The following TET2 variants were observed in gnomAD, a reference collection of about 807,000 sequenced individuals.
TET2 encodes the protein tet methylcytosine dioxygenase 2.
In TET2, 299 loss-of-function variants were observed where a neutral mutation model predicts 142.9. The ratio of observed to expected loss-of-function variants is 2.09; its 90% CI spans 1.90 to 2.30. The LOEUF (loss-of-function observed/expected upper bound fraction) is 2.30. TET2 is among the 30% of genes most tolerant of loss of function. TET2 has a pLI of 0.00. For missense variants in TET2, 2,418 were observed against 2,378.0 expected (o/e 1.02, Z -0.35); for synonymous variants, 819 against 849.0 (o/e 0.96, Z 0.61).
intron 8 of TET2, 50 bp from the exon 9 acceptor site, chr4:105,269,560 T>G: frequency 6.5e-7 from 1 of 1,542,144 alleles, no homozygotes; most frequent in Admixed American, 2.0e-5. Flanking sequence ...GTTTTCGGTG[T>G]AAGAGTAAAA....
intron 8 of TET2, among the ~76,000 whole-genome samples, chr4:105,269,280 T>C (rs1730833023): frequency 6.6e-6 from 1 of 152,152 alleles, no homozygotes; most frequent in Non-Finnish European, 1.5e-5. Context: ...AGTGATAGAT[T>C]AGTAGTTGTC....
Position 105,279,063 on chromosome 4 carries a change from C to A in TET2, c.*2544C>A, listed in dbSNP as rs985477738. 1 of 232,656 alleles carries A rather than the reference C, an allele frequency of 4.3e-6. No individual in the cohort carries two copies. 14.4% of individuals were successfully genotyped at this position (232,656 alleles called of 1,614,324 possible). The stretch of plus-strand genomic sequence containing the variant: ...TGGCTTTTGTCTTTTTAAAAAATTT[C>A]TTGAATTTGTGGTTGTGTCCAATTT... On this transcript the variant is annotated 3_prime_UTR_variant, in exon 11 of 11. Transcript: ENST00000380013.
chr4:105,277,380 CATGTAT>C lies in TET2; in HGVS notation c.*869_*874del, dbSNP rs139341003. ...ACACAAACATGTATATGTGCACACA[CATGTAT>C]ATGTATAAATATTTTAAATGGTGTT... On this transcript the variant is annotated 3_prime_UTR_variant, in exon 11 of 11. Coordinates refer to ENST00000380013, the MANE Select transcript of TET2 (RefSeq NM_001127208.3). 845 of 224,936 alleles carry C rather than the reference CATGTAT, an allele frequency of 3.8e-3. 1 individual carries two copies. Among genetic ancestry groups the C allele is most frequent in the Non-Finnish European group, 6.2e-3 (695 of 112,942 alleles). 13.9% of individuals were successfully genotyped at this position (224,936 alleles called of 1,614,324 possible).
chr4:105,252,264 T>G (rs1729902798), intron 6 of TET2, among the ~76,000 whole-genome samples: 1 of 152,188 alleles, frequency 6.6e-6, no homozygotes, highest in Non-Finnish European at 1.5e-5. Context: ...TGTCATATAG[T>G]TGGAATGATA....
At chr4:105,149,037 T>A in intron 1 of TET2, among the ~76,000 whole-genome samples, 1 of 152,210 alleles carries the variant, frequency 6.6e-6, no homozygotes, top group Non-Finnish European at 1.5e-5. Flanking sequence ...ATTGGTTAGT[T>A]CTTATTTGCC....
intron 1 of TET2, among the ~76,000 whole-genome samples, chr4:105,185,590 C>T (rs1725383072): frequency 6.6e-6 from 1 of 151,870 alleles, no homozygotes; most frequent in African/African-American, 2.4e-5. Context: ...ACCATCCTGG[C>T]TAACACGGTG....
intron 8 of TET2, among the ~76,000 whole-genome samples, chr4:105,267,382 T>G (rs944764671): frequency 6.6e-6 from 1 of 151,928 alleles, no homozygotes; most frequent in Non-Finnish European, 1.5e-5. Flanking sequence ...AAAAATATAT[T>G]AACAATGTAT....
At chr4:105,156,205 T>C (rs1723558588) in intron 1 of TET2, among the ~76,000 whole-genome samples, 1 of 152,216 alleles carries the variant, frequency 6.6e-6, no homozygotes, top group Non-Finnish European at 1.5e-5. Context: ...TAGGAACATT[T>C]TGATTTGTTG....
intron 2 of TET2, among the ~76,000 whole-genome samples, chr4:105,222,149 A>G (rs1015500056): frequency 3.3e-5 from 5 of 151,978 alleles, no homozygotes; most frequent in African/African-American, 9.7e-5. Context: ...AGTCTTTGCT[A>G]TTGTGAATAG....
rs1464290568 is a variant in TET2 at position 105,235,503 on chromosome 4, A to G, written c.1561A>G (p.Ser521Gly). 2 of 1,614,220 alleles carry G rather than the reference A, an allele frequency of 1.2e-6. No homozygotes were observed. Among genetic ancestry groups the G allele is most frequent in the Non-Finnish European group, 1.7e-6 (2 of 1,180,028 alleles). The change falls in exon 3 of 11, where the codon AGC (serine) becomes GGC (glycine). Residue 521 changes from serine (S) to glycine (G), a missense_variant. Ser to Gly is a moderately conservative substitution (Grantham distance 56, BLOSUM62 0). Transcript: ENST00000380013. ...CAAGCATAACCCACCAATTTTTGGT[A>G]GCAGTGGAGAGCTACAGGACAACTG... ...HLKHNPPIFG[S>G]SGELQDNCQQ...
intron 2 of TET2, among the ~76,000 whole-genome samples, chr4:105,203,484 A>G (rs909163075): frequency 6.6e-6 from 1 of 151,844 alleles, no homozygotes; most frequent in East Asian, 1.9e-4. Flanking sequence ...AATACATTAC[A>G]TTTTGTATAC....
At chr4:105,204,614 CA>C (rs1252565625) in intron 2 of TET2, among the ~76,000 whole-genome samples, 2 of 152,022 alleles carry the variant, frequency 1.3e-5, no homozygotes, top group Non-Finnish European at 2.9e-5. Context: ...GGTATAATTG[CA>C]GGATAATTTG....
rs544248353 is a variant in TET2, at chr4:105,232,989, C to T, written c.-46-908C>T. On this transcript the variant is annotated intron_variant, in intron 2 of 10. Transcript: ENST00000380013. ...AGCCAGTGTGTTAAAGAGAATATGA[C>T]ATCAGATTTGCATTTTACAATCTTC... Among the ~76,000 whole-genome samples the T allele has an allele frequency of 5.9e-5, 9 of 152,216 alleles. No individual in the cohort carries two copies. The South Asian group carries it at 1.0e-3, about 18-fold the overall frequency.
Position 105,217,498 on chromosome 4 carries a change from C to T in TET2, c.-46-16399C>T, listed in dbSNP as rs536613376. Among the ~76,000 whole-genome samples, 12 of 152,048 alleles carry T rather than the reference C, an allele frequency of 7.9e-5. 1 individual carries two copies. Among genetic ancestry groups the T allele is most frequent in the African/African-American group, 2.9e-4 (12 of 41,518 alleles). On this transcript the variant is annotated intron_variant, in intron 2 of 10. Transcript: ENST00000380013. The stretch of plus-strand genomic sequence containing the variant: ...ATACTACATCTGAATTAGGGTTTTC[C>T]AAAGTATGCTATTCCATGGAAATAC...
At position 105,234,884 on chromosome 4, in the gene TET2, T is replaced by TA; in HGVS notation, c.942_943insA (p.Ser315IlefsTer16). 1 of 1,614,098 alleles carries TA rather than the reference T, an allele frequency of 6.2e-7. No homozygotes were observed. Among genetic ancestry groups the TA allele is most frequent in the Non-Finnish European group, 8.5e-7 (1 of 1,180,016 alleles). ...AACTAGCTGCAATGCTAAATACCTG[T>TA]TCCTTTCAGAAACCAGAACAACTAC... On this transcript the variant is annotated frameshift_variant, in exon 3 of 11. Coordinates refer to ENST00000380013, the MANE Select transcript of TET2 (RefSeq NM_001127208.3). LOFTEE classifies it high-confidence loss of function.
chr4:105,251,136 G>C (rs964858544), intron 6 of TET2, among the ~76,000 whole-genome samples: 1 of 151,034 alleles, frequency 6.6e-6, no homozygotes, highest in Non-Finnish European at 1.5e-5. Context: ...AACTTTTTTT[G>C]GTAGATTCCT....
Position 105,278,263 on chromosome 4 carries a change from A to T in TET2, c.*1744A>T, listed in dbSNP as rs1731313220. The T allele has an allele frequency of 1.1e-5, 2 of 188,780 alleles. No homozygotes were observed. The highest frequency in any genetic ancestry group is 4.8e-5 in the African/African-American group (2 of 41,388). 11.7% of individuals were successfully genotyped at this position (188,780 alleles called of 1,614,324 possible). ...ACTCAGCCTGCTACAAATATATCAT[A>T]ATGTGAGCTAAGAATTCATTAAATG... On this transcript the variant is annotated 3_prime_UTR_variant, in exon 11 of 11. Transcript: ENST00000380013.
At chr4:105,193,136 A>C (rs1725884629) in intron 2 of TET2, among the ~76,000 whole-genome samples, 1 of 152,170 alleles carries the variant, frequency 6.6e-6, no homozygotes, top group African/African-American at 2.4e-5. Flanking sequence ...GAGGCTTCAC[A>C]AAGGAAGGTG....
At position 105,276,416 on chromosome 4, in the gene TET2, A is replaced by G; in HGVS notation, c.5906A>G (p.Lys1969Arg). The G allele has an allele frequency of 6.4e-7, 1 of 1,551,972 alleles. No individual in the cohort carries two copies. Among genetic ancestry groups the G allele is most frequent in the Non-Finnish European group, 8.7e-7 (1 of 1,147,054 alleles). The change falls in exon 11 of 11, where the codon AAG becomes AGG. Residue 1969 changes from lysine (K) to arginine (R), a missense_variant. By Grantham distance (26) the Lys-to-Arg change is conservative. Transcript: ENST00000380013. The stretch of plus-strand genomic sequence containing the variant: ...GAGCCCACTTACCTGCGTTTCATCA[A>G]GTCTCTTGCCGAAAGGACCATGTCC... Reference protein sequence around the residue: ...TSEPTYLRFIKSLAERTMSVT... With the variant: ...TSEPTYLRFIRSLAERTMSVT...
Sources: allele counts gnomAD v4.1 joint callset (sites outside exome capture counted in the v4.1 genomes callset), GRCh38; gene constraint gnomAD v4.1.1; transcripts MANE v1.5; gene names NCBI Gene and HGNC (gene_info 2026-07-23, HGNC 2026-07-21).